PPARGC1A: variants seen among roughly 807,000 people sequenced by gnomAD.
PPARGC1A encodes the protein peroxisome proliferator-activated receptor gamma coactivator 1-alpha.
In PPARGC1A, 25 loss-of-function variants were observed where a neutral mutation model predicts 88.7. The ratio of observed to expected loss-of-function variants is 0.28; its 90% CI spans 0.21 to 0.39. The LOEUF is 0.39. Ranked by LOEUF, PPARGC1A falls within the 10% of genes least tolerant of loss-of-function variation. PPARGC1A has a pLI of 1.00. For synonymous variants in PPARGC1A, 363 were observed against 355.6 expected (o/e 1.02, Z -0.24); for missense variants, 880 against 968.7 (o/e 0.91, Z 1.22).
the PPARGC1A span, among the ~76,000 whole-genome samples, chr4:24,422,701 C>T: frequency 1.3e-5 from 2 of 151,140 alleles, no homozygotes; most frequent in East Asian, 3.9e-4. Context: ...CTTAATAACC[C>T]AACAACACAA....
At chr4:24,053,020 C>A in the PPARGC1A span, among the ~76,000 whole-genome samples, 5 of 150,740 alleles carry the variant, frequency 3.3e-5, no homozygotes, top group Admixed American at 2.0e-4. Context: ...CCCGCCACCA[C>A]ACCCGGCTAA....
At chr4:23,910,222 A>ATATATTATATATGTAT in the PPARGC1A span, among the ~76,000 whole-genome samples, 1 of 87,856 alleles carries the variant, frequency 1.1e-5, no homozygotes, top group Non-Finnish European at 2.3e-5. Context: ...TATAATATAT[A>ATATATTATATATGTAT]ATATATTATA....
chr4:24,177,445 A>T, the PPARGC1A span, among the ~76,000 whole-genome samples: 1 of 149,724 alleles, frequency 6.7e-6, no homozygotes. Flanking sequence ...GAAGGGGAAC[A>T]TCACACACTG....
intron 2 of PPARGC1A, among the ~76,000 whole-genome samples, chr4:23,847,296 T>C (rs371368280): frequency 2.6e-5 from 4 of 152,180 alleles, no homozygotes; most frequent in South Asian, 2.1e-4. Flanking sequence ...ATCCCTCACA[T>C]GTGCCACAGA....
the PPARGC1A span, among the ~76,000 whole-genome samples, chr4:24,343,121 T>A: frequency 6.6e-6 from 1 of 152,242 alleles, no homozygotes; most frequent in African/African-American, 2.4e-5. Context: ...TGAAACACTC[T>A]GCTTCTCAAG....
At chr4:24,120,153 T>A in the PPARGC1A span, among the ~76,000 whole-genome samples, 1 of 152,136 alleles carries the variant, frequency 6.6e-6, no homozygotes, top group Non-Finnish European at 1.5e-5. Flanking sequence ...TAATTTTTAG[T>A]GAGGAAACTG....
At chr4:23,974,610 A>G in the PPARGC1A span, among the ~76,000 whole-genome samples, 1 of 151,678 alleles carries the variant, frequency 6.6e-6, no homozygotes, top group African/African-American at 2.4e-5. Context: ...TGCACCCAGG[A>G]CTGTCAGTGT....
At chr4:24,059,040 T>C in the PPARGC1A span, among the ~76,000 whole-genome samples, 3 of 152,114 alleles carry the variant, frequency 2.0e-5, no homozygotes, top group Admixed American at 6.5e-5. Flanking sequence ...TGAGGGTAGG[T>C]AGTATTTTGT....
the PPARGC1A span, among the ~76,000 whole-genome samples, chr4:23,910,073 T>G: frequency 7.0e-6 from 1 of 142,328 alleles, no homozygotes; most frequent in Non-Finnish European, 1.5e-5. Flanking sequence ...TAGTTTACAA[T>G]GAAAATAGGC....
rs140629901 is a variant in PPARGC1A, at chr4:23,846,676, G to A, written c.235-14925C>T. On this transcript the variant is annotated intron_variant, in intron 2 of 12. Coordinates refer to ENST00000264867, the MANE Select transcript of PPARGC1A (RefSeq NM_013261.5). ...ATTTTTTGAGCACCTAGCATGTGTCGGACACTCTTGACACTGGGGATATAG... is the reference window on the plus strand; with the variant it reads ...ATTTTTTGAGCACCTAGCATGTGTCAGACACTCTTGACACTGGGGATATAG... 2.2e-3 allele frequency among the ~76,000 whole-genome samples: 334 copies of A among 151,998 alleles called. 1 individual carries two copies. Among genetic ancestry groups the A allele is most frequent in the African/African-American group, 7.3e-3 (302 of 41,474 alleles).
chr4:23,943,077 G>C, the PPARGC1A span, among the ~76,000 whole-genome samples: 1 of 152,026 alleles, frequency 6.6e-6, no homozygotes. Flanking sequence ...TTGGGAGTTG[G>C]GACTATTTAC....
chr4:23,865,942 C>T (rs1484913051), intron 2 of PPARGC1A, among the ~76,000 whole-genome samples: 1 of 149,874 alleles, frequency 6.7e-6, no homozygotes, highest in Non-Finnish European at 1.5e-5. Flanking sequence ...AGACAGCCCA[C>T]ATTTATTCCT....
chr4:24,308,885 A>G, the PPARGC1A span, among the ~76,000 whole-genome samples: 2 of 152,232 alleles, frequency 1.3e-5, no homozygotes, highest in African/African-American at 4.8e-5. Context: ...GGATGGGGGT[A>G]AAATCTCAAA....
the PPARGC1A span, among the ~76,000 whole-genome samples, chr4:23,976,004 A>G: frequency 6.6e-6 from 1 of 152,266 alleles, no homozygotes; most frequent in Admixed American, 6.5e-5. Flanking sequence ...AATGTTAGCA[A>G]TAATGATGAA....
At chr4:23,980,804 G>A in the PPARGC1A span, among the ~76,000 whole-genome samples, 2 of 152,108 alleles carry the variant, frequency 1.3e-5, no homozygotes, top group African/African-American at 4.8e-5. Flanking sequence ...CAGGTAGCTG[G>A]CCTCCAAACT....
the PPARGC1A span, among the ~76,000 whole-genome samples, chr4:24,111,893 C>T: frequency 6.6e-6 from 1 of 152,202 alleles, no homozygotes; most frequent in East Asian, 1.9e-4. Flanking sequence ...CACTTAGCTA[C>T]ATTAACTCTG....
chr4:24,294,012 A>G, the PPARGC1A span, among the ~76,000 whole-genome samples: 1 of 152,214 alleles, frequency 6.6e-6, no homozygotes, highest in Non-Finnish European at 1.5e-5. Context: ...CAGAAAATCT[A>G]TATAACTGGC....
the PPARGC1A span, among the ~76,000 whole-genome samples, chr4:24,063,352 T>C: frequency 6.6e-6 from 1 of 152,104 alleles, no homozygotes; most frequent in Non-Finnish European, 1.5e-5. Flanking sequence ...TTCTCCGGTG[T>C]GTTCAGGGCA....
chr4:24,449,314 C>T, the PPARGC1A span, among the ~76,000 whole-genome samples: 1 of 152,214 alleles, frequency 6.6e-6, no homozygotes, highest in Non-Finnish European at 1.5e-5. Flanking sequence ...CTGATGCAAA[C>T]CCTGCTGCCT....
Sources: allele counts gnomAD v4.1 joint callset (sites outside exome capture counted in the v4.1 genomes callset), GRCh38; gene constraint gnomAD v4.1.1; transcripts MANE v1.5; gene names NCBI Gene and HGNC (gene_info 2026-07-23, HGNC 2026-07-21).